ROR1: variants seen among roughly 807,000 people sequenced by gnomAD.
The protein encoded by ROR1 is ROR family WNT receptor 1, also known as inactive tyrosine-protein kinase transmembrane receptor ROR1.
ROR1 carries 19 observed loss-of-function variants against 78.8 expected under a neutral mutation model. The observed-to-expected ratio is 0.24, with a 90% confidence interval of 0.17 to 0.35. The LOEUF is 0.35. Among genes scored for constraint, ROR1 ranks in the 10% least tolerant of loss-of-function variants. The probability of loss-of-function intolerance (pLI) is 1.00; values close to 1 mark genes in which losing one functional copy is unlikely to be tolerated. For synonymous variants in ROR1, 386 were observed against 433.6 expected (o/e 0.89, Z 1.36); for missense variants, 917 against 1,177.8 (o/e 0.78, Z 3.24).
chr1:63,972,971 T>C (rs558835207), intron 1 of ROR1, among the ~76,000 whole-genome samples: 1 of 152,364 alleles, frequency 6.6e-6, no homozygotes, highest in Admixed American at 6.5e-5. Flanking sequence ...ATGCTGAGGA[T>C]TGAGCCAACC....
chr1:63,952,859 T>C (rs1310093303), intron 1 of ROR1, among the ~76,000 whole-genome samples: 1 of 152,020 alleles, frequency 6.6e-6, no homozygotes, highest in Non-Finnish European at 1.5e-5. Context: ...AGGTTGTGTA[T>C]TTACTTGAGG....
At chr1:64,064,370 C>T (rs1646940560) in intron 4 of ROR1, among the ~76,000 whole-genome samples, 1 of 152,218 alleles carries the variant, frequency 6.6e-6, no homozygotes, top group African/African-American at 2.4e-5. Context: ...GGAGAAACAA[C>T]TTGGCTGCTG....
chr1:63,990,562 T>C (rs1224651670), intron 1 of ROR1, among the ~76,000 whole-genome samples: 1 of 152,138 alleles, frequency 6.6e-6, no homozygotes, highest in East Asian at 1.9e-4. Context: ...AAGAAGACTT[T>C]TCAGTTTTAT....
intron 1 of ROR1, among the ~76,000 whole-genome samples, chr1:63,790,577 C>G (rs1416813892): frequency 6.6e-6 from 1 of 152,196 alleles, no homozygotes; most frequent in Non-Finnish European, 1.5e-5. Flanking sequence ...AATTCAGATT[C>G]TCCCTTACAA....
rs1210752259 is a variant in ROR1 at position 64,096,919 on chromosome 1, T to C, written c.483-40450T>C. Among the ~76,000 whole-genome samples, 3 of 151,942 alleles carry C rather than the reference T, an allele frequency of 2.0e-5. No homozygotes were observed. The East Asian group carries it at 5.8e-4, about 29-fold the overall frequency. ...CCTCACCAGCATCTGTTTTTTTTTTTTTAATAATAGCCATGAAATAAAGTC... is the reference window on the plus strand; with the variant it reads ...CCTCACCAGCATCTGTTTTTTTTTTCTTAATAATAGCCATGAAATAAAGTC... On this transcript the variant is annotated intron_variant, in intron 4 of 8. Transcript: ENST00000371079.
At position 64,178,352 on chromosome 1, in the gene ROR1, A is replaced by G. The variant is rs759359203; in HGVS notation, c.2311A>G (p.Thr771Ala). ...PSGGNATTQT[T>A]SLSASPVSNL... The stretch of plus-strand genomic sequence containing the variant: ...AGGGGGAAATGCCACCACACAGACA[A>G]CCTCCCTCAGTGCCAGCCCAGTGAG... The change falls in exon 9 of 9, where the codon ACC becomes GCC. Residue 771 changes from threonine to alanine, a missense_variant. Transcript: ENST00000371079. This position sits in a 1 kb window ranked among gnomAD's most constrained non-coding sequence, Gnocchi z 4.3. 4 of 1,613,598 alleles carry G rather than the reference A, an allele frequency of 2.5e-6. No homozygotes were observed. In the African/African-American group the frequency reaches 4.0e-5, roughly 16 times the overall value.
At chr1:63,845,805 A>G (rs893906646) in intron 1 of ROR1, among the ~76,000 whole-genome samples, 6 of 152,086 alleles carry the variant, frequency 3.9e-5, no homozygotes, top group African/African-American at 1.4e-4. Flanking sequence ...TGCTTTAAAA[A>G]TCTCTTTTCG....
intron 4 of ROR1, among the ~76,000 whole-genome samples, chr1:64,060,123 T>C (rs369637740): frequency 6.6e-6 from 1 of 152,198 alleles, no homozygotes; most frequent in East Asian, 1.9e-4. Context: ...TTCTTTTCTT[T>C]TATCTTCTGT....
intron 1 of ROR1, among the ~76,000 whole-genome samples, chr1:63,779,898 T>C (rs1381099482): frequency 6.6e-6 from 1 of 152,126 alleles, no homozygotes; most frequent in East Asian, 1.9e-4. Context: ...TGAATTACAT[T>C]GGAAGAGGGC....
In ROR1 at chr1:63,774,508, G is replaced by A; in HGVS notation, c.91G>A (p.Glu31Lys). Reference protein sequence around the residue: ...LLAARGAAAQETELSVSAELV... With the variant: ...LLAARGAAAQKTELSVSAELV... ...GGCCGCACGCGGGGCTGCTGCCCAA[G>A]GTAAGAGGCGCCCGCCGGCCCCCGC... Residue 31 changes from glutamate (E) to lysine (K), a missense_variant and splice_region_variant, in exon 1 of 9, where the codon GAA becomes AAA. By Grantham distance (56) the Glu-to-Lys change is moderately conservative. Around this residue, in one of 3 missense-constraint regions of ROR1, gnomAD observed 63 missense variants for 57.0 expected, o/e 1.10. Transcript: ENST00000371079. The surrounding 1 kb of genome is among the most constrained non-coding windows in gnomAD (Gnocchi z 5.7). 8.9e-7 allele frequency: 1 copy of A among 1,125,768 alleles called. No individual in the cohort carries two copies. Among genetic ancestry groups the A allele is most frequent in the East Asian group, 5.3e-5 (1 of 19,008 alleles). 69.7% of individuals were successfully genotyped at this position (1,125,768 alleles called of 1,614,324 possible).
intron 1 of ROR1, among the ~76,000 whole-genome samples, chr1:64,008,342 A>G (rs1646446758): frequency 1.3e-5 from 2 of 152,196 alleles, no homozygotes; most frequent in Admixed American, 1.3e-4. Context: ...TATGTACCAC[A>G]TTCTCTTTAT....
At chr1:64,097,544 G>T (rs1209288449) in intron 4 of ROR1, among the ~76,000 whole-genome samples, 1 of 144,396 alleles carries the variant, frequency 6.9e-6, no homozygotes, top group Non-Finnish European at 1.5e-5. Context: ...ATGCATTTTT[G>T]AAATACATAC....
In ROR1 at chr1:64,177,677, C is replaced by A; in HGVS notation, c.1636C>A (p.Gln546Lys). 2 of 1,614,122 alleles carry A rather than the reference C, an allele frequency of 1.2e-6. No individual in the cohort carries two copies. Among genetic ancestry groups the A allele is most frequent in the South Asian group, 2.2e-5 (2 of 91,076 alleles). ...CCTTCTAGGTGCCGTCACTCAGGAA[C>A]AACCTGTGTGCATGCTTTTTGAGTA... ...VCLLGAVTQEQPVCMLFEYIN... is the reference protein window; with the variant it reads ...VCLLGAVTQEKPVCMLFEYIN... Residue 546 changes from glutamine to lysine, a missense_variant, in exon 9 of 9, where the codon CAA (glutamine) becomes AAA (lysine). Gln to Lys is a moderately conservative substitution (Grantham distance 53). Coordinates refer to ENST00000371079, the MANE Select transcript of ROR1 (RefSeq NM_005012.4).
At chr1:64,132,357 C>G (rs1315181153) in intron 4 of ROR1, among the ~76,000 whole-genome samples, 1 of 152,118 alleles carries the variant, frequency 6.6e-6, no homozygotes, top group African/African-American at 2.4e-5. Flanking sequence ...TAGTGCTGCT[C>G]TGCACATTTG....
intron 4 of ROR1, among the ~76,000 whole-genome samples, chr1:64,090,913 G>A (rs1647191317): frequency 6.6e-6 from 1 of 152,106 alleles, no homozygotes. Flanking sequence ...CTCAGCATGG[G>A]CCTATTGTCA....
intron 4 of ROR1, among the ~76,000 whole-genome samples, chr1:64,070,817 G>A (rs544313664): frequency 1.2e-4 from 18 of 152,254 alleles, no homozygotes; most frequent in African/African-American, 3.9e-4. Flanking sequence ...AGAAATGGAC[G>A]ATAAACATGG....
intron 8 of ROR1, among the ~76,000 whole-genome samples, chr1:64,165,553 C>G (rs1650062741): frequency 6.6e-6 from 1 of 152,014 alleles, no homozygotes; most frequent in Non-Finnish European, 1.5e-5. Flanking sequence ...TGTGCAGAAA[C>G]TCTTTAGTTT....
At chr1:64,064,272 G>A (rs187414933) in intron 4 of ROR1, among the ~76,000 whole-genome samples, 60 of 152,312 alleles carry the variant, frequency 3.9e-4, no homozygotes, top group Admixed American at 2.5e-3. Flanking sequence ...TTTGGAGGCT[G>A]GAATGGTGGC....
At chr1:63,932,749 G>T (rs1428645560) in intron 1 of ROR1, among the ~76,000 whole-genome samples, 1 of 152,216 alleles carries the variant, frequency 6.6e-6, no homozygotes, top group East Asian at 1.9e-4. Context: ...ACAGAGGCAG[G>T]ATTTGAACCT....
Sources: gnomAD v4.1 joint callset for allele counts (sites outside exome capture counted in the v4.1 genomes callset) on GRCh38, gnomAD v4.1.1 for gene constraint, gnomAD v4.1.1 regional missense constraint, Gnocchi (gnomAD v3.1) non-coding constraint, MANE v1.5 for transcripts, NCBI Gene and HGNC (gene_info 2026-07-23, HGNC 2026-07-21) for gene names.